The following TCP10L variants were observed in gnomAD, a reference collection of about 807,000 sequenced individuals.
TCP10L encodes the protein T-complex protein 10A homolog 1.
A neutral mutation model predicts 19.2 loss-of-function variants in TCP10L; 11 were observed. The observed-to-expected ratio is 0.57, with a 90% CI of 0.36 to 0.95. The LOEUF is 0.95. Ranked by LOEUF, TCP10L falls within the 40% of genes least tolerant of loss-of-function variation. The probability of loss-of-function intolerance (pLI) is 0.01; values close to 1 mark genes in which losing one functional copy is unlikely to be tolerated. For synonymous variants in TCP10L, 96 were observed against 97.2 expected, an observed-to-expected ratio of 0.99 and a Z score of 0.07; for missense variants, 247 against 263.9, an observed-to-expected ratio of 0.94 and a Z score of 0.44.
Position 32,574,632 on chromosome 21 carries a change from T to C in TCP10L, c.*2142A>G, listed in dbSNP as rs1163098978. The C allele has an allele frequency of 3.8e-5, 7 of 185,778 alleles. No individual in the cohort carries two copies. The highest frequency in any genetic ancestry group is 3.9e-5 in the Non-Finnish European group (3 of 76,186). The allele number at this position is 185,778 out of a possible 1,614,324, so 11.5% of individuals were successfully genotyped here. A position where few individuals can be genotyped will look rare whatever the true frequency, so the allele number is the denominator to read the frequency against. On this transcript the variant is annotated 3_prime_UTR_variant, in exon 5 of 5. Transcript: ENST00000300258. ...GTGAACTCATCAGGTTGAACGTGGC[T>C]GAGAAATCCACCTTCAGAACTCTCT...
rs765725111 is a variant in TCP10L, at chr21:32,576,756, G to C, written c.*18C>G. On this transcript the variant is annotated 3_prime_UTR_variant, in exon 5 of 5. Transcript: ENST00000300258. Reference sequence around the variant, plus strand: ...CCAGTGTAGAGTGACACAGGTGTCCGAGGCCACCTTTCCATCTTCAGACAC... The same window carrying C: ...CCAGTGTAGAGTGACACAGGTGTCCCAGGCCACCTTTCCATCTTCAGACAC... 1.2e-6 allele frequency: 2 copies of C among 1,610,816 alleles called. No homozygotes were observed. Among genetic ancestry groups the C allele is most frequent in the Admixed American group, 1.7e-5 (1 of 59,424 alleles).
Position 32,576,432 on chromosome 21 carries a change from TC to T in TCP10L, c.*341del. ...AAGCCATCTTCAGCCATCCTCGATT[TC>T]CAGCAAGACCCCAGGGCTCACCCAA... On this transcript the variant is annotated 3_prime_UTR_variant, in exon 5 of 5. Coordinates refer to ENST00000300258, the MANE Select transcript of TCP10L (RefSeq NM_144659.7). 1.3e-6 allele frequency: 1 copy of T among 794,006 alleles called. No homozygotes were observed. Among genetic ancestry groups the T allele is most frequent in the Non-Finnish European group, 2.0e-6 (1 of 509,906 alleles). The allele number at this position is 794,006 out of a possible 1,614,324, so 49.2% of individuals were successfully genotyped here. A position where few individuals can be genotyped will look rare whatever the true frequency, so the allele number is the denominator to read the frequency against.
chr21:32,576,819 A>T lies in TCP10L; in HGVS notation c.603T>A (p.Pro201=). 3.1e-6 allele frequency: 5 copies of T among 1,614,072 alleles called. No homozygotes were observed. The highest frequency in any genetic ancestry group is 4.2e-6 in the Non-Finnish European group (5 of 1,180,018). Reference sequence around the variant, plus strand: ...CTGCACAGGGAGTTGGCCTTCCAGTAGGTGTTGCTCTTCTGTCTTGACGTC... The same window carrying T: ...CTGCACAGGGAGTTGGCCTTCCAGTTGGTGTTGCTCTTCTGTCTTGACGTC... The part of the protein sequence containing the change: ...SRRRQDRRAT[P]TGRPTPCAER... Residue 201 remains proline, a synonymous_variant, in exon 5 of 5, where the codon CCT becomes CCA. Transcript: ENST00000300258.
rs114982228 is a variant in TCP10L, at chr21:32,578,310, C to G, written c.498+384G>C. ...CGCCGACAAGCAGCAGGTGCAAGAC[C>G]GCAGTGCAGAAGCAGGGAGCACGGG... On this transcript the variant is annotated intron_variant, in intron 4 of 4. Coordinates refer to ENST00000300258, the MANE Select transcript of TCP10L (RefSeq NM_144659.7). The surrounding 1 kb of genome is among the most constrained non-coding windows in gnomAD (Gnocchi z 4.2). Among the ~76,000 whole-genome samples the G allele has an allele frequency of 3.0e-3, 456 of 152,318 alleles. No individual in the cohort carries two copies. The highest frequency in any genetic ancestry group is 1.0e-2 in the African/African-American group (414 of 41,570).
intron 2 of TCP10L, among the ~76,000 whole-genome samples, chr21:32,583,694 C>G (rs2038524463): frequency 6.6e-6 from 1 of 152,058 alleles, no homozygotes; most frequent in African/African-American, 2.4e-5. Flanking sequence ...AGCCTCCAGC[C>G]TTGCTCTGAG....
intron 3 of TCP10L, among the ~76,000 whole-genome samples, chr21:32,579,183 C>T (rs1489593900): frequency 1.3e-5 from 2 of 152,222 alleles, no homozygotes; most frequent in Non-Finnish European, 2.9e-5. Context: ...AAATGTGATA[C>T]TACTTCTAGT....
rs1184277151 is a variant in TCP10L, at chr21:32,575,883, G to A, written c.*891C>T. Reference sequence around the variant, plus strand: ...CCATGGGCTGGCAAATGGAGAAAGGGGAACAAAGCACCCAAGTGCATCTAG... The same window carrying A: ...CCATGGGCTGGCAAATGGAGAAAGGAGAACAAAGCACCCAAGTGCATCTAG... On this transcript the variant is annotated 3_prime_UTR_variant, in exon 5 of 5. Coordinates refer to ENST00000300258, the MANE Select transcript of TCP10L (RefSeq NM_144659.7). The A allele has an allele frequency of 5.9e-6, 1 of 168,652 alleles. No individual in the cohort carries two copies. Among genetic ancestry groups the A allele is most frequent in the Non-Finnish European group, 1.3e-5 (1 of 77,772 alleles). The allele number at this position is 168,652 out of a possible 1,614,324, so 10.4% of individuals were successfully genotyped here.
rs944162505 is a variant in TCP10L, at chr21:32,578,386, C to T, written c.498+308G>A. Among the ~76,000 whole-genome samples, 2 of 152,258 alleles carry T rather than the reference C, an allele frequency of 1.3e-5. No individual in the cohort carries two copies. The highest frequency in any genetic ancestry group is 3.8e-4 in the East Asian group (2 of 5,202). On this transcript the variant is annotated intron_variant, in intron 4 of 4. Transcript: ENST00000300258. This position sits in a 1 kb window ranked among gnomAD's most constrained non-coding sequence, Gnocchi z 4.2. ...GTGGAGACAGTGCCACACACATCAC[C>T]TCCGCAGCCTGCACCCACGGAAACA...
chr21:32,579,140 G>A (rs983513195), intron 3 of TCP10L, among the ~76,000 whole-genome samples: 1 of 152,200 alleles, frequency 6.6e-6, no homozygotes, highest in African/African-American at 2.4e-5. Context: ...AGGCTCCTGT[G>A]TCTTCAACCG....
chr21:32,579,060 T>C (rs974997128), intron 3 of TCP10L, among the ~76,000 whole-genome samples: 13 of 152,188 alleles, frequency 8.5e-5, no homozygotes, highest in African/African-American at 3.1e-4. Flanking sequence ...CTTATTGTGG[T>C]TCCTTGTTTC....
rs1568978513 is a variant in TCP10L at position 32,575,976 on chromosome 21, A to G, written c.*798T>C. 7.7e-6 allele frequency: 2 copies of G among 259,310 alleles called. No individual in the cohort carries two copies. Among genetic ancestry groups the G allele is most frequent in the East Asian group, 7.4e-5 (1 of 13,448 alleles). 16.1% of individuals were successfully genotyped at this position (259,310 alleles called of 1,614,324 possible). On this transcript the variant is annotated 3_prime_UTR_variant, in exon 5 of 5. Coordinates refer to ENST00000300258, the MANE Select transcript of TCP10L (RefSeq NM_144659.7). ...GTGACCGCTAGGATTCGGAATCTCCAGTCACGGCCCCTGGAGACCGGCATG... is the reference window on the plus strand; with the variant it reads ...GTGACCGCTAGGATTCGGAATCTCCGGTCACGGCCCCTGGAGACCGGCATG...
At chr21:32,579,532 A>G (rs2038469316) in intron 3 of TCP10L, among the ~76,000 whole-genome samples, 1 of 152,218 alleles carries the variant, frequency 6.6e-6, no homozygotes, top group African/African-American at 2.4e-5. Flanking sequence ...TGGGATTCAC[A>G]TATCCCATCC....
chr21:32,584,614 C>T (rs908502756), intron 1 of TCP10L, among the ~76,000 whole-genome samples: 2 of 151,778 alleles, frequency 1.3e-5, no homozygotes, highest in Non-Finnish European at 2.9e-5. Flanking sequence ...GGGTGTGAGC[C>T]GGTGTGAGTG....
intron 3 of TCP10L, among the ~76,000 whole-genome samples, chr21:32,581,470 G>A (rs987666895): frequency 2.4e-4 from 37 of 152,288 alleles, no homozygotes; most frequent in African/African-American, 8.2e-4. Flanking sequence ...AGCTGCCTAC[G>A]GAGGGGTAAA....
At chr21:32,577,924 T>G (rs1354537880) in intron 4 of TCP10L, among the ~76,000 whole-genome samples, 1 of 152,086 alleles carries the variant, frequency 6.6e-6, no homozygotes, top group Admixed American at 6.5e-5. Context: ...GTATTCCTTA[T>G]GGGAAACAAA....
At position 32,576,522 on chromosome 21, in the gene TCP10L, A is replaced by G; in HGVS notation, c.*252T>C. 1 of 605,442 alleles carries G rather than the reference A, an allele frequency of 1.7e-6. No individual in the cohort carries two copies. Among genetic ancestry groups the G allele is most frequent in the Non-Finnish European group, 2.8e-6 (1 of 354,590 alleles). The allele number at this position is 605,442 out of a possible 1,614,324, so 37.5% of individuals were successfully genotyped here. A position where few individuals can be genotyped will look rare whatever the true frequency, so the allele number is the denominator to read the frequency against. On this transcript the variant is annotated 3_prime_UTR_variant, in exon 5 of 5. Transcript: ENST00000300258. ...TTAAAGACTCTGCAGAAATATACCA[A>G]CTACAGAGCTCAGGAAAGCAACTGA...
chr21:32,579,571 GA>G, intron 3 of TCP10L, among the ~76,000 whole-genome samples: 1 of 152,324 alleles, frequency 6.6e-6, no homozygotes, highest in Middle Eastern at 3.4e-3. Flanking sequence ...ATGCTCTTGT[GA>G]GCGTACATCC....
chr21:32,584,345 A>C, intron 1 of TCP10L, 40 bp from the exon 2 acceptor site: 5 of 1,595,848 alleles, frequency 3.1e-6, no homozygotes, highest in Non-Finnish European at 4.3e-6. Flanking sequence ...ACTTGAATGC[A>C]GCCCTCCTAC....
Position 32,577,835 on chromosome 21 carries a change from G to A in TCP10L, c.498+859C>T, listed in dbSNP as rs915658402. Among the ~76,000 whole-genome samples, 7 of 152,308 alleles carry A rather than the reference G, an allele frequency of 4.6e-5. No individual in the cohort carries two copies. In the South Asian group the frequency reaches 8.3e-4, roughly 18 times the overall value. On this transcript the variant is annotated intron_variant, in intron 4 of 4. Coordinates refer to ENST00000300258, the MANE Select transcript of TCP10L (RefSeq NM_144659.7). ...CTCACAGCCTTCAGAGCTGAGAGCCGTGAACAGAGATTTACCCACATATTT... is the reference window on the plus strand; with the variant it reads ...CTCACAGCCTTCAGAGCTGAGAGCCATGAACAGAGATTTACCCACATATTT...
Sources: gnomAD v4.1 joint callset for allele counts (sites outside exome capture counted in the v4.1 genomes callset) on GRCh38, gnomAD v4.1.1 for gene constraint, Gnocchi (gnomAD v3.1) non-coding constraint, MANE v1.5 for transcripts, NCBI Gene and HGNC (gene_info 2026-07-23, HGNC 2026-07-21) for gene names.